The following NELFA variants were observed in gnomAD, a reference collection of about 807,000 sequenced individuals.
NELFA encodes negative elongation factor A.
In NELFA, 35 loss-of-function variants were observed where a neutral mutation model predicts 51.8. The ratio of observed to expected loss-of-function variants is 0.68; its 90% CI spans 0.52 to 0.90. NELFA has a LOEUF of 0.90. Among genes scored for constraint, NELFA ranks in the 40% least tolerant of loss-of-function variants. NELFA has a pLI of 0.00. For synonymous variants in NELFA, 417 were observed against 338.4 expected (o/e 1.23, Z -2.55); for missense variants, 658 against 746.4 (o/e 0.88, Z 1.38).
chr4:1,990,436 C>T (rs948780867), intron 2 of NELFA: 1 of 456,766 alleles, frequency 2.2e-6, no homozygotes, highest in Non-Finnish European at 4.4e-6. Flanking sequence ...AAAGCACAGG[C>T]AGGCACATGA....
At chr4:2,008,038 G>C (rs536491878) in intron 1 of NELFA, 1 of 456,910 alleles carries the variant, frequency 2.2e-6, no homozygotes, top group Non-Finnish European at 4.4e-6. Context: ...CGCTCCGGAC[G>C]GCCGGGGTCT....
chr4:1,984,548 AC>A (rs1464659542), intron 8 of NELFA, among the ~76,000 whole-genome samples: 1 of 152,102 alleles, frequency 6.6e-6, no homozygotes, highest in Non-Finnish European at 1.5e-5. Context: ...ACCCTTTCGA[AC>A]CCAATCCCCT....
rs1465497284 is a variant in NELFA at position 1,989,202 on chromosome 4, T to C, written c.544+506A>G. ...CTCAGGTGATCTGCTGGCCTCAGCC[T>C]CCCAAAGTGCTGGGTTTACAGGTGT... is the stretch of plus-strand genomic sequence containing the variant. On this transcript the variant is annotated intron_variant, in intron 3 of 10. Transcript: ENST00000382882. This position sits in a 1 kb window ranked among gnomAD's most constrained non-coding sequence, Gnocchi z 4.8. 1.3e-5 allele frequency among the ~76,000 whole-genome samples: 2 copies of C among 152,196 alleles called. No individual in the cohort carries two copies. Among genetic ancestry groups the C allele is most frequent in the African/African-American group, 4.8e-5 (2 of 41,454 alleles).
chr4:1,987,200 G>T lies in NELFA; in HGVS notation c.634+718C>A, dbSNP rs1413969433. On this transcript the variant is annotated intron_variant, in intron 4 of 10. Transcript: ENST00000382882. ...ACTAAGCCAGGCTGGTCTGGGAGCT[G>T]CATGGAGAGCGCCTGTAAGGCTGCC... Among the ~76,000 whole-genome samples the T allele has an allele frequency of 2.0e-5, 3 of 152,232 alleles. No homozygotes were observed. The East Asian group carries it at 5.8e-4, about 29-fold the overall frequency.
In NELFA at chr4:1,983,581, G is replaced by A. The variant is rs1560852998; in HGVS notation, c.1402+15C>T. 6.2e-7 allele frequency: 1 copy of A among 1,613,774 alleles called. No individual in the cohort carries two copies. The highest frequency in any genetic ancestry group is 8.5e-7 in the Non-Finnish European group (1 of 1,179,870). ...CCGGCCCGGTGCACCCCCAGGCCCT[G>A]CCTTATGAACATACCTCGGGAGCCG... On this transcript the variant is annotated intron_variant, in intron 10 of 10. Coordinates refer to ENST00000382882, the MANE Select transcript of NELFA (RefSeq NM_005663.5).
In NELFA at chr4:1,989,869, A is replaced by G. The variant is rs200733578; in HGVS notation, c.383T>C (p.Val128Ala). Residue 128 changes from valine to alanine, a missense_variant and splice_region_variant, in exon 3 of 11, where the codon GTG (valine) becomes GCG (alanine). Val to Ala is a moderately conservative substitution (Grantham distance 64). Around this residue, in one of 3 missense-constraint regions of NELFA, gnomAD observed 371 missense variants for 448.3 expected, o/e 0.83. Coordinates refer to ENST00000382882, the MANE Select transcript of NELFA (RefSeq NM_005663.5). This position sits in a 1 kb window ranked among gnomAD's most constrained non-coding sequence, Gnocchi z 4.8. ...QDILGELREK[V>A]GECEASAMLP... ...CATGGCAGACGCTTCACACTCACCCACTGCCGGTAAGAACCACATGAAGTT... is the reference window on the plus strand; with the variant it reads ...CATGGCAGACGCTTCACACTCACCCGCTGCCGGTAAGAACCACATGAAGTT... 1 of 1,612,746 alleles carries G rather than the reference A, an allele frequency of 6.2e-7. No individual in the cohort carries two copies. Among genetic ancestry groups the G allele is most frequent in the East Asian group, 2.2e-5 (1 of 44,864 alleles).
Position 1,983,977 on chromosome 4 carries a change from G to A in NELFA, c.1173C>T (p.Pro391=), listed in dbSNP as rs760041071. Residue 391 remains proline (P), a synonymous_variant, in exon 9 of 11, where the codon CCC becomes CCT. Transcript: ENST00000382882. ...GTGTGGTGGGTGTCAGAGGCGAGGT[G>A]GGCGCCGCAGGCGTGGGTGTGGCAG... ...LSPATPTPAA[P]TSPLTPTTPP... The A allele has an allele frequency of 1.2e-6, 2 of 1,610,186 alleles. No individual in the cohort carries two copies. The highest frequency in any genetic ancestry group is 2.2e-5 in the East Asian group (1 of 44,828).
chr4:1,984,083 G>C lies in NELFA; in HGVS notation c.1067C>G (p.Pro356Arg). 1 of 1,586,246 alleles carries C rather than the reference G, an allele frequency of 6.3e-7. No homozygotes were observed. Among genetic ancestry groups the C allele is most frequent in the Non-Finnish European group, 8.5e-7 (1 of 1,171,962 alleles). Reference protein sequence around the residue: ...APSSREASRPPEEPSAPSPTL... With the variant: ...APSSREASRPREEPSAPSPTL... ...GGGGCTCGGGGCGCTGGGCTCCTCT[G>C]GTGGGCGGCTGGCTTCCCGGGAAGA... Residue 356 changes from proline to arginine, a missense_variant, in exon 9 of 11, where the codon CCA becomes CGA. Coordinates refer to ENST00000382882, the MANE Select transcript of NELFA (RefSeq NM_005663.5).
intron 1 of NELFA, among the ~76,000 whole-genome samples, chr4:1,993,847 C>G (rs1728352186): frequency 7.0e-6 from 1 of 143,380 alleles, no homozygotes; most frequent in Non-Finnish European, 1.5e-5. Flanking sequence ...GTCGCCCGGG[C>G]TGGAGTGCAA....
At chr4:1,985,316 G>C (rs998395690) in intron 7 of NELFA, among the ~76,000 whole-genome samples, 1 of 152,204 alleles carries the variant, frequency 6.6e-6, no homozygotes, top group African/African-American at 2.4e-5. Flanking sequence ...CCTCCTCCAG[G>C]CCCTGGCCTC....
At chr4:2,001,178 G>A (rs889336190) in intron 1 of NELFA, among the ~76,000 whole-genome samples, 1 of 152,134 alleles carries the variant, frequency 6.6e-6, no homozygotes, top group Non-Finnish European at 1.5e-5. Flanking sequence ...CAAACCCACA[G>A]CGAATACCAT....
At chr4:1,993,149 T>C (rs1728324538) in intron 1 of NELFA, among the ~76,000 whole-genome samples, 2 of 152,232 alleles carry the variant, frequency 1.3e-5, no homozygotes, top group African/African-American at 4.8e-5. Context: ...GCGCGCGGCA[T>C]TTTATAAAAA....
intron 1 of NELFA, among the ~76,000 whole-genome samples, chr4:2,003,302 T>C (rs976514747): frequency 6.6e-5 from 10 of 152,176 alleles, no homozygotes; most frequent in African/African-American, 1.9e-4. Context: ...AGTTCAACCA[T>C]TGTGGAAGAC....
rs57225917 is a variant in NELFA at position 1,987,644 on chromosome 4, G to C, written c.634+274C>G. The C allele has an allele frequency of 1.6e-3, 708 of 454,116 alleles. 3 individuals are homozygous for C. Among genetic ancestry groups the C allele is most frequent in the African/African-American group, 0.014 (619 of 43,394 alleles). 28.1% of individuals were successfully genotyped at this position (454,116 alleles called of 1,614,324 possible). A position where few individuals can be genotyped will look rare whatever the true frequency, so the allele number is the denominator to read the frequency against. ...GGCCTTCCTGTCTCCATGCCCAGCG[G>C]TGTCCTCAGATCCCGGCCTTCCTGT... is the stretch of plus-strand genomic sequence containing the variant. On this transcript the variant is annotated intron_variant, in intron 4 of 10. Coordinates refer to ENST00000382882, the MANE Select transcript of NELFA (RefSeq NM_005663.5).
chr4:1,986,193 C>CA lies in NELFA; in HGVS notation c.766-11dup. The CA allele has an allele frequency of 6.4e-7, 1 of 1,560,196 alleles. No individual in the cohort carries two copies. Among genetic ancestry groups the CA allele is most frequent in the Middle Eastern group, 1.7e-4 (1 of 6,006 alleles). On this transcript the variant is annotated splice_polypyrimidine_tract_variant and intron_variant, in intron 5 of 10. Coordinates refer to ENST00000382882, the MANE Select transcript of NELFA (RefSeq NM_005663.5). ...CAGAGATGTCCAGCAGCTGCCAAGA[C>CA]AAGCACAGCCCTGCCTTAGTGACGG...
chr4:1,989,991 C>T lies in NELFA; in HGVS notation c.383-122G>A. On this transcript the variant is annotated intron_variant, in intron 2 of 10. Coordinates refer to ENST00000382882, the MANE Select transcript of NELFA (RefSeq NM_005663.5). The surrounding 1 kb of genome is among the most constrained non-coding windows in gnomAD (Gnocchi z 4.8). ...TAGGGTTAGGTCATGGGAGCTTCGG[C>T]TGTCCCCTGAGGTCCTCGAGACTGA... 1 of 1,222,116 alleles carries T rather than the reference C, an allele frequency of 8.2e-7. No individual in the cohort carries two copies. The highest frequency in any genetic ancestry group is 1.1e-6 in the Non-Finnish European group (1 of 881,170). 75.7% of individuals were successfully genotyped at this position (1,222,116 alleles called of 1,614,324 possible). A position where few individuals can be genotyped will look rare whatever the true frequency, so the allele number is the denominator to read the frequency against.
At chr4:1,993,978 T>TAAGGTCTGTAATTCTTAGAGATAA (rs1577621922) in intron 1 of NELFA, among the ~76,000 whole-genome samples, 2 of 152,166 alleles carry the variant, frequency 1.3e-5, no homozygotes, top group East Asian at 3.9e-4. Flanking sequence ...GCCTACCTTG[T>TAAGGTCTGTAATTCTTAGAGATAA]AAGGTCTGTA....
chr4:1,994,633 A>G (rs2109062033), intron 1 of NELFA, among the ~76,000 whole-genome samples: 1 of 151,946 alleles, frequency 6.6e-6, no homozygotes, highest in East Asian at 1.9e-4. Flanking sequence ...AGGTGGGCGG[A>G]TCACAAGGTC....
At chr4:1,984,163 C>A in intron 8 of NELFA, 50 bp from the exon 9 acceptor site, 1 of 1,464,022 alleles carries the variant, frequency 6.8e-7, no homozygotes, top group East Asian at 2.4e-5. Flanking sequence ...CACCCTGTTC[C>A]CAAACCCTAG....
Sources: allele counts gnomAD v4.1 joint callset (sites outside exome capture counted in the v4.1 genomes callset), GRCh38; gene constraint gnomAD v4.1.1; regional missense constraint gnomAD v4.1.1; non-coding constraint Gnocchi (gnomAD v3.1); transcripts MANE v1.5; gene names NCBI Gene and HGNC (gene_info 2026-07-23, HGNC 2026-07-21).